The following RBFOX1 variants were observed in gnomAD, a reference collection of about 807,000 sequenced individuals.
RBFOX1 encodes RNA binding protein fox-1 homolog 1.
Under a neutral mutation model 57.7 loss-of-function variants are expected in RBFOX1, and 8 were observed. That is an observed-to-expected ratio of 0.14 (90% CI 0.08 to 0.25). RBFOX1 has a LOEUF of 0.25. RBFOX1 is among the 10% of genes least tolerant of loss of function. The pLI, the probability that RBFOX1 is intolerant of heterozygous loss-of-function variation, is 1.00. For synonymous variants in RBFOX1, 326 were observed against 222.4 expected (o/e 1.47, Z -4.15); for missense variants, 611 against 548.5 (o/e 1.11, Z -1.14).
At chr16:6,855,084 A>AC (rs2057580811) in intron 3 of RBFOX1, among the ~76,000 whole-genome samples, 1 of 152,032 alleles carries the variant, frequency 6.6e-6, no homozygotes, top group South Asian at 2.1e-4. Context: ...GATGATCCCA[A>AC]CAGAAGAGAA....
At chr16:5,649,071 A>T (rs575509188) in intron 3 of RBFOX1, among the ~76,000 whole-genome samples, 89 of 152,272 alleles carry the variant, frequency 5.8e-4, no homozygotes, top group Admixed American at 1.2e-3. Context: ...ATCAAAAAAA[A>T]ATATATATCA....
chr16:6,923,590 G>C (rs540856171), intron 3 of RBFOX1, among the ~76,000 whole-genome samples: 2 of 152,168 alleles, frequency 1.3e-5, no homozygotes, highest in South Asian at 4.2e-4. Flanking sequence ...CCATTTTCCA[G>C]GGCAGAGAGC....
chr16:7,324,137 T>C (rs1227272667), intron 4 of RBFOX1, among the ~76,000 whole-genome samples: 2 of 152,184 alleles, frequency 1.3e-5, no homozygotes, highest in African/African-American at 2.4e-5. Context: ...CTCCAACTCA[T>C]TTGTCCGTGG....
At chr16:6,922,051 G>C (rs74008446) in intron 3 of RBFOX1, among the ~76,000 whole-genome samples, 2,739 of 152,284 alleles carry the variant, frequency 0.018, 80 homozygotes, top group African/African-American at 0.061. Context: ...CCAACTGGCA[G>C]CTGGTATTAC....
At chr16:6,360,166 C>A (rs1451713706) in intron 2 of RBFOX1, among the ~76,000 whole-genome samples, 1 of 152,000 alleles carries the variant, frequency 6.6e-6, no homozygotes, top group East Asian at 1.9e-4. Flanking sequence ...TAGATTTCAG[C>A]CTGTACCTTG....
At chr16:6,709,685 G>C (rs543698628) in intron 3 of RBFOX1, among the ~76,000 whole-genome samples, 4 of 152,040 alleles carry the variant, frequency 2.6e-5, no homozygotes, top group African/African-American at 9.7e-5. Context: ...GGTGCTGAAG[G>C]GTTTATTGTA....
intron 1 of RBFOX1, among the ~76,000 whole-genome samples, chr16:5,286,011 C>G (rs888969036): frequency 2.6e-5 from 4 of 152,158 alleles, no homozygotes; most frequent in African/African-American, 7.2e-5. Flanking sequence ...ACCTCGTGAT[C>G]TGCCCACATC....
intron 1 of RBFOX1, among the ~76,000 whole-genome samples, chr16:6,077,548 G>A (rs1264358790): frequency 6.6e-6 from 1 of 151,938 alleles, no homozygotes; most frequent in Non-Finnish European, 1.5e-5. Context: ...TTAAGATGAT[G>A]GTTTCTATGG....
In RBFOX1 at chr16:5,919,111, G is replaced by A. The variant is rs143959246; in HGVS notation, c.351+51776G>A. On this transcript the variant is annotated intron_variant, in intron 4 of 19. Transcript: ENST00000641259. ...ATCACCTGATAGCACATAGGTACCTGGAAAATTGGTTGTGGTGTTTATACT... is the reference window on the plus strand; with the variant it reads ...ATCACCTGATAGCACATAGGTACCTAGAAAATTGGTTGTGGTGTTTATACT... Among the ~76,000 whole-genome samples the A allele has an allele frequency of 6.9e-3, 1,052 of 152,234 alleles. 8 individuals are homozygous for A. Among genetic ancestry groups the A allele is most frequent in the Non-Finnish European group, 0.01 (714 of 68,024 alleles).
At chr16:6,573,364 C>G (rs1419050199) in intron 2 of RBFOX1, among the ~76,000 whole-genome samples, 1 of 152,184 alleles carries the variant, frequency 6.6e-6, no homozygotes, top group Non-Finnish European at 1.5e-5. Flanking sequence ...GTCTTTCTCT[C>G]AGCTCTAAGA....
chr16:6,918,486 TAATTA>T (rs1204298000), intron 3 of RBFOX1, among the ~76,000 whole-genome samples: 8 of 152,198 alleles, frequency 5.3e-5, no homozygotes, highest in Non-Finnish European at 1.0e-4. Flanking sequence ...AATTAATTGT[TAATTA>T]AATTAATGTC....
At chr16:6,204,308 A>G (rs925430681) in intron 1 of RBFOX1, among the ~76,000 whole-genome samples, 2 of 152,154 alleles carry the variant, frequency 1.3e-5, no homozygotes, top group East Asian at 1.9e-4. Flanking sequence ...TCATGAGTCA[A>G]TGTTGCGACA....
chr16:6,086,845 A>G (rs566808952), intron 1 of RBFOX1, among the ~76,000 whole-genome samples: 39 of 152,326 alleles, frequency 2.6e-4, no homozygotes, highest in African/African-American at 9.1e-4. Context: ...TGAATGTAAC[A>G]TGAAAGAGAC....
At chr16:5,859,227 A>C (rs2057149881) in intron 3 of RBFOX1, among the ~76,000 whole-genome samples, 1 of 152,064 alleles carries the variant, frequency 6.6e-6, no homozygotes, top group African/African-American at 2.4e-5. Context: ...AAAAACAAAA[A>C]CAACCCTGTA....
chr16:6,742,207 T>C (rs1057267605), intron 3 of RBFOX1, among the ~76,000 whole-genome samples: 1 of 152,274 alleles, frequency 6.6e-6, no homozygotes, highest in Admixed American at 6.5e-5. Context: ...AAAGAGGATA[T>C]ATGGAGGCAA....
chr16:6,373,139 G>A (rs1367441460), intron 2 of RBFOX1, among the ~76,000 whole-genome samples: 2 of 152,128 alleles, frequency 1.3e-5, no homozygotes, highest in African/African-American at 4.8e-5. Flanking sequence ...CTGTATGGGA[G>A]GATTGTTGTT....
chr16:7,348,658 A>C (rs1457983219), intron 4 of RBFOX1, among the ~76,000 whole-genome samples: 2 of 152,186 alleles, frequency 1.3e-5, no homozygotes, highest in East Asian at 1.9e-4. Context: ...AATTACACAA[A>C]AGGCCGGTTG....
intron 2 of RBFOX1, among the ~76,000 whole-genome samples, chr16:6,641,809 C>CCTTGTTG (rs1388468569): frequency 6.7e-6 from 1 of 148,806 alleles, no homozygotes; most frequent in Non-Finnish European, 1.5e-5. Context: ...TCAGGCCTGG[C>CCTTGTTG]CTTGTTGCTC....
chr16:6,512,283 C>CAAAAAAAAAAAAAAAAA lies in RBFOX1; in HGVS notation c.-63-142304_-63-142303insAAAAAAAAAAAAAAAAA, dbSNP rs565248640. Among the ~76,000 whole-genome samples, 183 of 86,906 alleles carry CAAAAAAAAAAAAAAAAA rather than the reference C, an allele frequency of 2.1e-3. 7 individuals carry two copies. The highest frequency in any genetic ancestry group is 8.5e-3 in the African/African-American group (172 of 20,122). The allele number at this position is 86,906 out of a possible 152,430, so 57.0% of individuals were successfully genotyped here. On this transcript the variant is annotated intron_variant, in intron 2 of 15. Coordinates refer to ENST00000550418, the MANE Select transcript of RBFOX1 (RefSeq NM_018723.4). ...TGGGTAACAGAGCAAGACCCTGTAT[C>CAAAAAAAAAAAAAAAAA]AAAAAAAAAAAAAAAAGGTAAGAGA...
Sources: gnomAD v4.1 joint callset for allele counts (sites outside exome capture counted in the v4.1 genomes callset) on GRCh38, gnomAD v4.1.1 for gene constraint, MANE v1.5 for transcripts, NCBI Gene and HGNC (gene_info 2026-07-23, HGNC 2026-07-21) for gene names.